Variants in CACNA2D1 observed in about 807,000 individuals in gnomAD.
The protein encoded by CACNA2D1 is calcium voltage-gated channel auxiliary subunit alpha2delta 1.
In CACNA2D1, 53 loss-of-function variants were observed where a neutral mutation model predicts 171.5. The ratio of observed to expected loss-of-function variants is 0.31; its 90% CI spans 0.25 to 0.39. The LOEUF (loss-of-function observed/expected upper bound fraction) is 0.39, where lower values mean the gene tolerates loss of function less well. Among genes scored for constraint, CACNA2D1 ranks in the 10% least tolerant of loss-of-function variants. The probability of loss-of-function intolerance (pLI) is 1.00; values close to 1 mark genes in which losing one functional copy is unlikely to be tolerated. For synonymous variants in CACNA2D1, 442 were observed against 443.1 expected (o/e 1.00, Z 0.03); for missense variants, 903 against 1,299.8 (o/e 0.69, Z 4.69).
chr7:82,122,070 G>T (rs1036821954), intron 5 of CACNA2D1, among the ~76,000 whole-genome samples: 3 of 152,174 alleles, frequency 2.0e-5, no homozygotes, highest in Non-Finnish European at 4.4e-5. Context: ...TAATTATGAT[G>T]TATAAAAGAG....
At chr7:82,291,386 C>T (rs1433530604) in intron 3 of CACNA2D1, among the ~76,000 whole-genome samples, 1 of 131,488 alleles carries the variant, frequency 7.6e-6, no homozygotes, top group Non-Finnish European at 1.6e-5. Flanking sequence ...ACATCTATAT[C>T]TATCTACATC....
intron 4 of CACNA2D1, among the ~76,000 whole-genome samples, chr7:82,146,459 T>C (rs1793101583): frequency 6.9e-6 from 1 of 145,576 alleles, no homozygotes; most frequent in African/African-American, 2.5e-5. Flanking sequence ...TAAAGATATA[T>C]ATAAATATAT....
At chr7:82,106,011 A>G (rs1410036522) in intron 6 of CACNA2D1, among the ~76,000 whole-genome samples, 1 of 152,196 alleles carries the variant, frequency 6.6e-6, no homozygotes, top group East Asian at 1.9e-4. Context: ...AAATTTACAT[A>G]TAACTTCATT....
At chr7:82,276,668 A>G (rs1563296976) in intron 3 of CACNA2D1, among the ~76,000 whole-genome samples, 1 of 152,150 alleles carries the variant, frequency 6.6e-6, no homozygotes, top group Non-Finnish European at 1.5e-5. Context: ...ATTTGAAACC[A>G]CAAACACTTA....
chr7:82,216,168 A>G (rs1169476892), intron 3 of CACNA2D1, among the ~76,000 whole-genome samples: 1 of 152,142 alleles, frequency 6.6e-6, no homozygotes, highest in Non-Finnish European at 1.5e-5. Context: ...AAAAAAATGC[A>G]TCTTATAAGC....
chr7:82,341,362 AC>A (rs1818605226), intron 2 of CACNA2D1, among the ~76,000 whole-genome samples: 1 of 152,198 alleles, frequency 6.6e-6, no homozygotes, highest in South Asian at 2.1e-4. Flanking sequence ...GTAAAGAGTA[AC>A]TAGTGACTGT....
chr7:82,402,014 A>C (rs1235261511), intron 1 of CACNA2D1, among the ~76,000 whole-genome samples: 1 of 152,220 alleles, frequency 6.6e-6, no homozygotes, highest in African/African-American at 2.4e-5. Context: ...CAGTAAAGAA[A>C]GGCTATCTTT....
intron 10 of CACNA2D1, among the ~76,000 whole-genome samples, chr7:82,059,746 C>A (rs2128969928): frequency 6.6e-6 from 1 of 151,558 alleles, no homozygotes; most frequent in African/African-American, 2.4e-5. Context: ...GGAACCAACC[C>A]AGATGTCCAA....
intron 3 of CACNA2D1, among the ~76,000 whole-genome samples, chr7:82,267,592 A>C (rs11971594): frequency 1.5e-3 from 223 of 152,308 alleles, no homozygotes; most frequent in African/African-American, 5.1e-3. Context: ...TAGGGTTCTA[A>C]ATAGAATCCT....
intron 1 of CACNA2D1, among the ~76,000 whole-genome samples, chr7:82,432,120 A>G (rs1394490752): frequency 6.6e-6 from 1 of 152,038 alleles, no homozygotes; most frequent in Non-Finnish European, 1.5e-5. Flanking sequence ...TCAGAAAACA[A>G]TATTATTGTA....
chr7:82,101,792 T>C (rs979198099), intron 6 of CACNA2D1, among the ~76,000 whole-genome samples: 31 of 152,210 alleles, frequency 2.0e-4, no homozygotes, highest in Non-Finnish European at 3.8e-4. Context: ...TTAAATTCAA[T>C]CTCTTAATTT....
At chr7:82,357,649 C>A (rs1820586785) in intron 1 of CACNA2D1, among the ~76,000 whole-genome samples, 1 of 134,834 alleles carries the variant, frequency 7.4e-6, no homozygotes, top group African/African-American at 2.8e-5. Context: ...GCAATTGTCA[C>A]AGAGACAAAG....
chr7:82,216,800 T>A (rs984410438), intron 3 of CACNA2D1, among the ~76,000 whole-genome samples: 3 of 147,582 alleles, frequency 2.0e-5, no homozygotes, highest in Non-Finnish European at 4.5e-5. Context: ...GAAACATCCA[T>A]AAATTTTTTT....
intron 6 of CACNA2D1, among the ~76,000 whole-genome samples, chr7:82,096,360 A>C (rs916775849): frequency 6.6e-6 from 1 of 152,154 alleles, no homozygotes; most frequent in Non-Finnish European, 1.5e-5. Flanking sequence ...CAAGACAGAC[A>C]GGACTTCTAA....
intron 4 of CACNA2D1, among the ~76,000 whole-genome samples, chr7:82,145,856 T>A (rs1221084273): frequency 6.6e-6 from 1 of 151,070 alleles, no homozygotes; most frequent in Non-Finnish European, 1.5e-5. Context: ...AATATAAATT[T>A]AAAATTATTA....
rs1232179008 is a variant in CACNA2D1 at position 82,203,835 on chromosome 7, G to A, written c.295-33226C>T. On this transcript the variant is annotated intron_variant, in intron 3 of 38. Transcript: ENST00000356860. Reference sequence around the variant, plus strand: ...CATGGCCGGATGGGCTACAGTCATCGTGCAGACAACTTACCTAATAGCAGA... The same window carrying A: ...CATGGCCGGATGGGCTACAGTCATCATGCAGACAACTTACCTAATAGCAGA... Among the ~76,000 whole-genome samples, 12 of 152,046 alleles carry A rather than the reference G, an allele frequency of 7.9e-5. No homozygotes were observed. In the South Asian group the frequency reaches 8.3e-4, roughly 10 times the overall value.
intron 4 of CACNA2D1, among the ~76,000 whole-genome samples, chr7:82,164,640 G>C (rs1163302757): frequency 6.6e-6 from 1 of 151,874 alleles, no homozygotes; most frequent in African/African-American, 2.4e-5. Flanking sequence ...GGAAAGGCTA[G>C]ATGGGGCCAG....
chr7:82,396,651 G>T (rs1825786533), intron 1 of CACNA2D1, among the ~76,000 whole-genome samples: 2 of 152,252 alleles, frequency 1.3e-5, no homozygotes, highest in South Asian at 4.1e-4. Flanking sequence ...CCTTTTACAT[G>T]AAGCTCATTA....
intron 1 of CACNA2D1, among the ~76,000 whole-genome samples, chr7:82,420,922 T>C (rs1563529392): frequency 6.6e-6 from 1 of 152,208 alleles, no homozygotes; most frequent in African/African-American, 2.4e-5. Context: ...TTTACACTTC[T>C]TCAAGTCCAT....
Sources: allele counts gnomAD v4.1 joint callset (sites outside exome capture counted in the v4.1 genomes callset), GRCh38; gene constraint gnomAD v4.1.1; transcripts MANE v1.5; gene names NCBI Gene and HGNC (gene_info 2026-07-23, HGNC 2026-07-21).